RELN: variants seen among roughly 807,000 people sequenced by gnomAD.
The protein encoded by RELN is reelin.
Under a neutral mutation model 427.6 loss-of-function variants are expected in RELN, and 108 were observed. The observed-to-expected ratio is 0.25, with a 90% CI of 0.22 to 0.30. The LOEUF is 0.30. Among genes scored for constraint, RELN ranks in the 10% least tolerant of loss-of-function variants. RELN has a pLI of 1.00. For synonymous variants in RELN, 1,524 were observed against 1,513.4 expected (o/e 1.01, Z -0.16); for missense variants, 3,715 against 4,302.8 (o/e 0.86, Z 3.82).
intron 4 of RELN, among the ~76,000 whole-genome samples, chr7:103,758,143 C>A (rs1704853159): frequency 6.6e-6 from 1 of 152,088 alleles, no homozygotes; most frequent in Non-Finnish European, 1.5e-5. Context: ...TCAGAATAAC[C>A]ATACATCTCT....
chr7:103,622,635 A>G (rs1488178836), intron 20 of RELN, among the ~76,000 whole-genome samples: 1 of 152,140 alleles, frequency 6.6e-6, no homozygotes, highest in Admixed American at 6.6e-5. Flanking sequence ...CTCTGCCTGC[A>G]AAGCTCTTTT....
chr7:103,632,715 T>C (rs1394576701), intron 19 of RELN, among the ~76,000 whole-genome samples: 3 of 152,132 alleles, frequency 2.0e-5, no homozygotes, highest in African/African-American at 4.8e-5. Context: ...CCTAACCTCA[T>C]AGATTTTTTT....
chr7:103,863,131 G>A (rs540890375), intron 2 of RELN, among the ~76,000 whole-genome samples: 10 of 152,194 alleles, frequency 6.6e-5, no homozygotes, highest in Middle Eastern at 3.4e-3. Context: ...AACAATGTGC[G>A]CCACCAGCAA....
At position 103,728,121 on chromosome 7, in the gene RELN, G is replaced by A; in HGVS notation, c.743C>T (p.Pro248Leu). Residue 248 changes from proline to leucine, a missense_variant, in exon 7 of 65, where the codon CCA (proline) becomes CTA (leucine). Around this residue, in one of 4 missense-constraint regions of RELN, gnomAD observed 2,208 missense variants for 2,361.7 expected, o/e 0.93. Coordinates refer to ENST00000428762, the MANE Select transcript of RELN (RefSeq NM_005045.4). ...NAVTFCEPYG[P>L]RELITTGLNT... ...ATAGCACATACTTACCAGTTCTCGT[G>A]GGCCATATGGTTCACAGAAGGTGAC... is the stretch of plus-strand genomic sequence containing the variant. The A allele has an allele frequency of 1.2e-6, 2 of 1,613,626 alleles. No individual in the cohort carries two copies. Among genetic ancestry groups the A allele is most frequent in the Non-Finnish European group, 1.7e-6 (2 of 1,179,780 alleles).
chr7:103,921,468 T>C (rs1039900936), intron 1 of RELN, among the ~76,000 whole-genome samples: 2 of 152,192 alleles, frequency 1.3e-5, no homozygotes, highest in African/African-American at 4.8e-5. Flanking sequence ...AGTTTTGCAT[T>C]AAAATGTCAA....
chr7:103,786,000 A>G (rs1036629801), intron 3 of RELN, among the ~76,000 whole-genome samples: 1 of 152,008 alleles, frequency 6.6e-6, no homozygotes, highest in Non-Finnish European at 1.5e-5. Flanking sequence ...TATGATTTCT[A>G]ACCTAGTTAA....
chr7:103,602,760 C>T (rs1296497259), intron 24 of RELN, among the ~76,000 whole-genome samples: 2 of 152,026 alleles, frequency 1.3e-5, no homozygotes, highest in African/African-American at 4.8e-5. Flanking sequence ...CAGCAAACCA[C>T]CATGGCACGT....
At chr7:103,846,687 G>A (rs1454585299) in intron 2 of RELN, among the ~76,000 whole-genome samples, 6 of 152,154 alleles carry the variant, frequency 3.9e-5, no homozygotes, top group African/African-American at 1.4e-4. Context: ...ATCTGACAAA[G>A]GGCTAATATC....
chr7:103,671,013 A>G (rs2115622860), intron 11 of RELN, among the ~76,000 whole-genome samples: 1 of 152,226 alleles, frequency 6.6e-6, no homozygotes, highest in East Asian at 1.9e-4. Flanking sequence ...AATCTCATAT[A>G]AATTCTCTGA....
At chr7:103,985,570 C>G (rs1438280404) in intron 1 of RELN, among the ~76,000 whole-genome samples, 1 of 152,184 alleles carries the variant, frequency 6.6e-6, no homozygotes, top group East Asian at 1.9e-4. Flanking sequence ...GCATCCAAGT[C>G]TTTCTATCCC....
intron 4 of RELN, among the ~76,000 whole-genome samples, chr7:103,753,877 C>T (rs1791066828): frequency 6.6e-6 from 1 of 152,128 alleles, no homozygotes. Context: ...GTTAATAATA[C>T]TATGCTGACA....
rs1266887242 is a variant in RELN at position 103,561,836 on chromosome 7, C to T, written c.5328G>A (p.Gly1776=). ...SGCPWMCSGR[G]ICDAGRCVCD... is the part of the protein sequence containing the mutation. ...ACACACAGCGTCCAGCATCACAAAT[C>T]CCTCGTCCTGAGCACATCCAAGGGC... The change falls in exon 35 of 65, where the codon GGG becomes GGA. Residue 1776 remains glycine, a synonymous_variant. Transcript: ENST00000428762. 6 of 1,613,800 alleles carry T rather than the reference C, an allele frequency of 3.7e-6. No individual in the cohort carries two copies. The East Asian group carries it at 8.9e-5, about 24-fold the overall frequency.
intron 3 of RELN, among the ~76,000 whole-genome samples, chr7:103,833,048 C>T (rs1051271154): frequency 2.0e-5 from 3 of 152,040 alleles, no homozygotes; most frequent in African/African-American, 7.2e-5. Context: ...TATATGTTTA[C>T]ATTTGGGATG....
intron 51 of RELN, among the ~76,000 whole-genome samples, chr7:103,505,757 A>C (rs1829188177): frequency 6.6e-6 from 1 of 152,200 alleles, no homozygotes; most frequent in African/African-American, 2.4e-5. Context: ...TGACAGAAGT[A>C]GGCTTCAGAA....
At chr7:103,679,533 C>T (rs79640277) in intron 11 of RELN, among the ~76,000 whole-genome samples, 175 of 152,244 alleles carry the variant, frequency 1.1e-3, no homozygotes, top group African/African-American at 4.2e-3. Flanking sequence ...TAACTGTGAC[C>T]AAAACCCTGG....
chr7:103,824,633 T>TGTGG lies in RELN; in HGVS notation c.473+8903_473+8904insCCAC, dbSNP rs1264387353. Among the ~76,000 whole-genome samples, 1 of 66,456 alleles carries TGTGG rather than the reference T, an allele frequency of 1.5e-5. No homozygotes were observed. The highest frequency in any genetic ancestry group is 5.3e-5 in the African/African-American group (1 of 18,894). 43.6% of individuals were successfully genotyped at this position (66,456 alleles called of 152,430 possible). ...TCACTTTCTTTCAAAACAGAGTGTG[T>TGTGG]GTGTGTGTGTGTGTGTGTGTGTGTG... is the stretch of plus-strand genomic sequence containing the variant. On this transcript the variant is annotated intron_variant, in intron 3 of 64. Transcript: ENST00000428762. This position sits in a 1 kb window ranked among gnomAD's most constrained non-coding sequence, Gnocchi z 4.4.
At chr7:103,614,634 G>A (rs1030764630) in intron 20 of RELN, among the ~76,000 whole-genome samples, 1 of 152,068 alleles carries the variant, frequency 6.6e-6, no homozygotes, top group Non-Finnish European at 1.5e-5. Context: ...GTGCTCACAA[G>A]CCCAGGACTG....
Position 103,603,276 on chromosome 7 carries a change from G to T in RELN, c.3333+28C>A, listed in dbSNP as rs750969725. The stretch of plus-strand genomic sequence containing the variant: ...CTCATATTAAACTAGCCATTGCCCC[G>T]ATGACTTATCCCAGCTGTTGGTCAT... On this transcript the variant is annotated intron_variant, in intron 24 of 64. Coordinates refer to ENST00000428762, the MANE Select transcript of RELN (RefSeq NM_005045.4). The surrounding 1 kb of genome is among the most constrained non-coding windows in gnomAD (Gnocchi z 4.3). 6.3e-7 allele frequency: 1 copy of T among 1,583,502 alleles called. No homozygotes were observed. Among genetic ancestry groups the T allele is most frequent in the Non-Finnish European group, 8.7e-7 (1 of 1,152,240 alleles).
At chr7:103,526,039 A>G (rs957472959) in intron 46 of RELN, among the ~76,000 whole-genome samples, 1 of 152,204 alleles carries the variant, frequency 6.6e-6, no homozygotes. Flanking sequence ...TGTAGGGTAG[A>G]TGGGCAGGGC....
Sources: gnomAD v4.1 joint callset for allele counts (sites outside exome capture counted in the v4.1 genomes callset) on GRCh38, gnomAD v4.1.1 for gene constraint, gnomAD v4.1.1 regional missense constraint, Gnocchi (gnomAD v3.1) non-coding constraint, MANE v1.5 for transcripts, NCBI Gene and HGNC (gene_info 2026-07-23, HGNC 2026-07-21) for gene names.